NME9: variants seen among roughly 807,000 people sequenced by gnomAD.
NME9 encodes the protein thioredoxin domain-containing protein 6.
NME9 carries 48 observed loss-of-function variants against 44.4 expected under a neutral mutation model. The ratio of observed to expected loss-of-function variants is 1.08; its 90% confidence interval spans 0.86 to 1.37. NME9 has a LOEUF of 1.37. Ranked by LOEUF, NME9 falls within the 40% of genes most tolerant of loss-of-function variation. The pLI is 0.00. For missense variants in NME9, 325 were observed against 405.2 expected, an observed-to-expected ratio of 0.80 and a Z score of 1.70; for synonymous variants, 139 against 147.1, an observed-to-expected ratio of 0.94 and a Z score of 0.40.
intron 9 of NME9, 95 bp downstream of exon 9, chr3:138,304,778 G>A: frequency 8.1e-7 from 1 of 1,235,356 alleles, no homozygotes; most frequent in Non-Finnish European, 1.2e-6. Flanking sequence ...AGTCCTCTGT[G>A]TTACCCATGA....
chr3:138,282,507 G>A (rs749320294), intron 8 of NME9, among the ~76,000 whole-genome samples: 5 of 152,024 alleles, frequency 3.3e-5, no homozygotes, highest in Non-Finnish European at 4.4e-5. Context: ...TTAGCTGGGC[G>A]TGTGGCACAC....
At chr3:138,293,371 C>T (rs925463034) in intron 8 of NME9, among the ~76,000 whole-genome samples, 1 of 152,264 alleles carries the variant, frequency 6.6e-6, no homozygotes, top group South Asian at 2.1e-4. Context: ...GAAACCCCGT[C>T]TCTACTAAAC....
intron 8 of NME9, among the ~76,000 whole-genome samples, chr3:138,274,076 C>G (rs2049036634): frequency 6.6e-6 from 1 of 152,166 alleles, no homozygotes; most frequent in Non-Finnish European, 1.5e-5. Context: ...CCTCGGCCCC[C>G]CAAAGTGCTG....
chr3:138,272,602 C>A (rs1000651157), intron 8 of NME9, among the ~76,000 whole-genome samples: 7 of 152,308 alleles, frequency 4.6e-5, no homozygotes, highest in Admixed American at 3.9e-4. Context: ...GTTGGCCAAG[C>A]CTGGTGGCTC....
At chr3:138,325,344 T>A (rs2053713639) in intron 1 of NME9, among the ~76,000 whole-genome samples, 1 of 152,130 alleles carries the variant, frequency 6.6e-6, no homozygotes, top group African/African-American at 2.4e-5. Flanking sequence ...GTTTTATAAA[T>A]ATGAAATACA....
chr3:138,319,717 A>G (rs1221355735), intron 2 of NME9, 136 bp from the exon 3 acceptor site: 1 of 620,082 alleles, frequency 1.6e-6, no homozygotes, highest in Non-Finnish European at 2.9e-6. Context: ...AAAGGGATTT[A>G]CTATCCCATG....
At chr3:138,271,798 C>CTTTTTTTTT (rs776320900) in intron 8 of NME9, among the ~76,000 whole-genome samples, 6 of 136,136 alleles carry the variant, frequency 4.4e-5, no homozygotes, top group African/African-American at 1.7e-4. Flanking sequence ...TTTTTTCTTT[C>CTTTTTTTTT]TTTTTTTTTT....
intron 8 of NME9, among the ~76,000 whole-genome samples, chr3:138,272,804 A>G (rs2048918584): frequency 6.6e-6 from 1 of 152,210 alleles, no homozygotes; most frequent in African/African-American, 2.4e-5. Context: ...CCCGGGAGGC[A>G]GAGGTTGCAG....
At chr3:138,306,558 C>A in intron 6 of NME9, 78 bp from the exon 7 acceptor site, 1 of 787,466 alleles carries the variant, frequency 1.3e-6, no homozygotes, top group Non-Finnish European at 2.2e-6. Flanking sequence ...AATGCAACCT[C>A]TACACAAGGC....
intron 2 of NME9, chr3:138,324,538 C>T (rs1419779244): frequency 1.9e-5 from 9 of 476,030 alleles, no homozygotes; most frequent in Non-Finnish European, 2.9e-5. Flanking sequence ...GCTCTCCTTC[C>T]ATCCTTTGAG....
intron 6 of NME9, among the ~76,000 whole-genome samples, chr3:138,309,948 A>G (rs2052576053): frequency 6.6e-6 from 1 of 151,528 alleles, no homozygotes; most frequent in South Asian, 2.1e-4. Context: ...AATCGCTTGA[A>G]CCCAGGAGGT....
intron 1 of NME9, among the ~76,000 whole-genome samples, chr3:138,326,170 T>C (rs893668973): frequency 1.3e-5 from 2 of 152,222 alleles, no homozygotes; most frequent in Non-Finnish European, 2.9e-5. Flanking sequence ...GGATTCAGAC[T>C]GTGCATGTTT....
At chr3:138,275,340 G>A (rs1401375469) in intron 8 of NME9, among the ~76,000 whole-genome samples, 1 of 152,064 alleles carries the variant, frequency 6.6e-6, no homozygotes, top group Non-Finnish European at 1.5e-5. Flanking sequence ...GGCGGATCAC[G>A]AGGTCAGGAG....
chr3:138,302,322 T>A (rs1361441468), intron 10 of NME9, among the ~76,000 whole-genome samples: 1 of 152,118 alleles, frequency 6.6e-6, no homozygotes, highest in Admixed American at 6.6e-5. Flanking sequence ...GGCCAAAAAG[T>A]CAGTCTCATG....
At chr3:138,315,392 C>G (rs1300321544) in intron 5 of NME9, 135 bp downstream of exon 5, 1 of 635,774 alleles carries the variant, frequency 1.6e-6, no homozygotes, top group East Asian at 2.7e-5. Context: ...GCATGAGGAA[C>G]AGACCCAGGT....
rs1191386951 is a variant in NME9 at position 138,314,329 on chromosome 3, C to T, written c.460+3G>A. 14 of 1,581,786 alleles carry T rather than the reference C, an allele frequency of 8.9e-6. No homozygotes were observed. Among genetic ancestry groups the T allele is most frequent in the Non-Finnish European group, 1.1e-5 (13 of 1,154,150 alleles). On this transcript the variant is annotated splice_donor_region_variant and intron_variant, in intron 6 of 10. Coordinates refer to ENST00000333911, the MANE Select transcript of NME9 (RefSeq NM_001349018.2). ...TTCCCTTGCTCATTGGTTCTGCACT[C>T]ACCCATGTCCTCATCTTCACCATTA... is the stretch of plus-strand genomic sequence containing the variant.
chr3:138,303,384 G>T, intron 10 of NME9, 123 bp downstream of exon 10: 1 of 678,828 alleles, frequency 1.5e-6, no homozygotes, highest in Non-Finnish European at 2.6e-6. Flanking sequence ...TTTCAGAACA[G>T]GACTGTATTA....
intron 8 of NME9, chr3:138,267,203 C>A: frequency 6.3e-7 from 1 of 1,580,832 alleles, no homozygotes; most frequent in Non-Finnish European, 8.6e-7. Context: ...ATCTTCCATG[C>A]TGTGTAATCT....
intron 6 of NME9, among the ~76,000 whole-genome samples, chr3:138,308,940 T>A (rs1577141990): frequency 6.7e-5 from 5 of 75,062 alleles, no homozygotes; most frequent in Non-Finnish European, 7.4e-5. Flanking sequence ...TCCAAAATAC[T>A]GAAAGAAAAA....
Sources: gnomAD v4.1 joint callset for allele counts (sites outside exome capture counted in the v4.1 genomes callset) on GRCh38, gnomAD v4.1.1 for gene constraint, MANE v1.5 for transcripts, NCBI Gene and HGNC (gene_info 2026-07-23, HGNC 2026-07-21) for gene names.